HS6ST2: variants seen among roughly 807,000 people sequenced by gnomAD.
The protein encoded by HS6ST2 is heparan-sulfate 6-O-sulfotransferase 2.
HS6ST2 carries 17 observed loss-of-function variants against 33.0 expected under a neutral mutation model. The observed-to-expected ratio is 0.52, with a 90% CI of 0.35 to 0.77. The LOEUF (loss-of-function observed/expected upper bound fraction) is 0.77, where lower values mean the gene tolerates loss of function less well. Among genes scored for constraint, HS6ST2 ranks in the 30% least tolerant of loss-of-function variants. HS6ST2 has a pLI of 0.01. For synonymous variants in HS6ST2, 248 were observed against 237.1 expected (o/e 1.05, Z -0.42); for missense variants, 519 against 551.7 (o/e 0.94, Z 0.59).
Position 132,662,941 on chromosome X carries a change from C to T in HS6ST2, c.1067+6172G>A, listed in dbSNP as rs758835757. On this transcript the variant is annotated intron_variant, in intron 4 of 4. Coordinates refer to ENST00000370833, the MANE Select transcript of HS6ST2 (RefSeq NM_001394073.1). Reference sequence around the variant, plus strand: ...CAGAGCTCATCAGAATCATACTGGCCAGGTCACACTGTCCCCCACTGCAAT... The same window carrying T: ...CAGAGCTCATCAGAATCATACTGGCTAGGTCACACTGTCCCCCACTGCAAT... Among the ~76,000 whole-genome samples the T allele has an allele frequency of 3.6e-5, 4 of 112,003 alleles. No homozygotes were observed. The South Asian group carries it at 1.5e-3, about 42-fold the overall frequency.
intron 4 of HS6ST2, among the ~76,000 whole-genome samples, chrX:132,630,774 C>T (rs2063511246): frequency 9.0e-6 from 1 of 110,570 alleles, no homozygotes. Flanking sequence ...CGGTGAAACC[C>T]CATCTGTTAA....
intron 2 of HS6ST2, among the ~76,000 whole-genome samples, chrX:132,906,409 A>G (rs1466874523): frequency 8.9e-6 from 1 of 112,638 alleles, no homozygotes; most frequent in Non-Finnish European, 1.9e-5. Context: ...AATCCATAAG[A>G]ATAATTGTGG....
chrX:132,848,306 T>C (rs886852051), intron 2 of HS6ST2, among the ~76,000 whole-genome samples: 1 of 112,578 alleles, frequency 8.9e-6, no homozygotes, highest in Non-Finnish European at 1.9e-5. Context: ...ACTGTCTCCA[T>C]GCTCAGAGAT....
intron 2 of HS6ST2, among the ~76,000 whole-genome samples, chrX:132,838,966 GA>G (rs201512831): frequency 0.011 from 981 of 85,714 alleles, 17 homozygotes; most frequent in African/African-American, 0.037. Flanking sequence ...TAAAAAGTCG[GA>G]AAAAAAAAAA....
intron 2 of HS6ST2, among the ~76,000 whole-genome samples, chrX:132,746,660 G>A (rs190641493): frequency 2.9e-4 from 32 of 111,921 alleles, no homozygotes; most frequent in Non-Finnish European, 5.8e-4. Context: ...TAATGTTTAG[G>A]TGAAGGACAA....
At chrX:132,859,444 C>A (rs1340989526) in intron 2 of HS6ST2, among the ~76,000 whole-genome samples, 1 of 110,382 alleles carries the variant, frequency 9.1e-6, no homozygotes, top group Non-Finnish European at 1.9e-5. Flanking sequence ...TACATGCACT[C>A]GAAAGAGCCC....
chrX:132,840,379 G>T (rs1014747871), intron 2 of HS6ST2, among the ~76,000 whole-genome samples: 1 of 109,919 alleles, frequency 9.1e-6, no homozygotes, highest in African/African-American at 3.3e-5. Context: ...CAAGCGTTGG[G>T]TTTCCCTCCT....
intron 2 of HS6ST2, among the ~76,000 whole-genome samples, chrX:132,713,973 A>T (rs758956032): frequency 8.9e-6 from 1 of 112,001 alleles, no homozygotes; most frequent in South Asian, 3.8e-4. Flanking sequence ...TAAACAGGAC[A>T]TATTTTTGAT....
At chrX:132,799,860 T>C (rs2065219014) in intron 2 of HS6ST2, among the ~76,000 whole-genome samples, 2 of 112,098 alleles carry the variant, frequency 1.8e-5, no homozygotes, top group Admixed American at 9.5e-5. Flanking sequence ...GTGAGATGCC[T>C]AGTGCACTTC....
intron 2 of HS6ST2, among the ~76,000 whole-genome samples, chrX:132,780,314 T>C (rs112452396): frequency 0.042 from 4,668 of 110,396 alleles, 211 homozygotes; most frequent in African/African-American, 0.12. Flanking sequence ...TCCTTCAGTA[T>C]AAAACTGCCC....
At chrX:132,844,011 G>A (rs2065728328) in intron 2 of HS6ST2, among the ~76,000 whole-genome samples, 1 of 111,887 alleles carries the variant, frequency 8.9e-6, no homozygotes, top group Non-Finnish European at 1.9e-5. Context: ...TCAATGTGGG[G>A]AATAATTTCA....
chrX:132,709,817 A>ACACACACG (rs2064216305), intron 2 of HS6ST2, among the ~76,000 whole-genome samples: 1 of 107,471 alleles, frequency 9.3e-6, no homozygotes, highest in Non-Finnish European at 1.9e-5. Context: ...GACAAAACAC[A>ACACACACG]CACACACACA....
chrX:132,708,504 G>A lies in HS6ST2; in HGVS notation c.948-10C>T, dbSNP rs771461626. 3 of 1,174,436 alleles carry A rather than the reference G, an allele frequency of 2.6e-6. No homozygotes were observed. Among genetic ancestry groups the A allele is most frequent in the Non-Finnish European group, 3.4e-6 (3 of 873,302 alleles). On this transcript the variant is annotated splice_polypyrimidine_tract_variant and intron_variant, in intron 2 of 4. Coordinates refer to ENST00000370833, the MANE Select transcript of HS6ST2 (RefSeq NM_001394073.1). ...CTGAAAAATCCTCCACCTGTTAAAG[G>A]AACAGTAAAACCAGTCGCTAGCAAG...
intron 4 of HS6ST2, among the ~76,000 whole-genome samples, chrX:132,642,902 G>C (rs773257414): frequency 1.8e-5 from 2 of 112,457 alleles, no homozygotes; most frequent in Non-Finnish European, 3.8e-5. Context: ...TTGGACAACT[G>C]TGTTTCCCCT....
At chrX:132,765,696 C>T (rs1023619727) in intron 2 of HS6ST2, among the ~76,000 whole-genome samples, 3 of 111,547 alleles carry the variant, frequency 2.7e-5, no homozygotes, top group African/African-American at 9.8e-5. Context: ...AGCAATCCTC[C>T]CGCCTTGGCC....
At chrX:132,936,250 A>C (rs1035358734) in intron 2 of HS6ST2, among the ~76,000 whole-genome samples, 1 of 111,748 alleles carries the variant, frequency 8.9e-6, no homozygotes, top group Non-Finnish European at 1.9e-5. Flanking sequence ...ACAAGTTACC[A>C]GAAAGACAAT....
intron 2 of HS6ST2, among the ~76,000 whole-genome samples, chrX:132,779,689 A>T (rs2065001210): frequency 9.2e-6 from 1 of 109,125 alleles, no homozygotes; most frequent in African/African-American, 3.5e-5. Flanking sequence ...CCACGTCCAG[A>T]ACACATAATA....
intron 2 of HS6ST2, among the ~76,000 whole-genome samples, chrX:132,831,597 T>C (rs949162493): frequency 8.1e-5 from 9 of 111,523 alleles, no homozygotes; most frequent in African/African-American, 2.6e-4. Flanking sequence ...TTGGAAATGG[T>C]TCTCATCTAC....
At chrX:132,866,283 T>G (rs1166614150) in intron 2 of HS6ST2, among the ~76,000 whole-genome samples, 1 of 110,609 alleles carries the variant, frequency 9.0e-6, no homozygotes, top group Non-Finnish European at 1.9e-5. Flanking sequence ...AAAGATCAGA[T>G]AGTTGTAGAT....
Sources: allele counts gnomAD v4.1 joint callset (sites outside exome capture counted in the v4.1 genomes callset), GRCh38; gene constraint gnomAD v4.1.1; transcripts MANE v1.5; gene names NCBI Gene and HGNC (gene_info 2026-07-23, HGNC 2026-07-21).